Variants in ARHGAP24 observed in about 807,000 individuals in gnomAD.
The protein encoded by ARHGAP24 is rho GTPase-activating protein 24.
ARHGAP24 carries 50 observed loss-of-function variants against 76.4 expected under a neutral mutation model. The ratio of observed to expected loss-of-function variants is 0.65; its 90% CI spans 0.52 to 0.83. The LOEUF (loss-of-function observed/expected upper bound fraction) is 0.83. Among genes scored for constraint, ARHGAP24 ranks in the 40% least tolerant of loss-of-function variants. The pLI is 0.00. For synonymous variants in ARHGAP24, 345 were observed against 323.3 expected (o/e 1.07, Z -0.72); for missense variants, 930 against 914.2 (o/e 1.02, Z -0.22).
chr4:85,788,831 T>C (rs1367931622), intron 3 of ARHGAP24, among the ~76,000 whole-genome samples: 2 of 152,188 alleles, frequency 1.3e-5, no homozygotes, highest in South Asian at 2.1e-4. Flanking sequence ...ACAGCTAAGA[T>C]TCCCAGAAAG....
chr4:85,837,672 T>C lies in ARHGAP24; in HGVS notation c.269-85976T>C, dbSNP rs547197396. 4.6e-5 allele frequency among the ~76,000 whole-genome samples: 7 copies of C among 152,232 alleles called. No individual in the cohort carries two copies. The South Asian group carries it at 1.5e-3, about 32-fold the overall frequency. ...GTGGGGACTTGAAATGACAAGTGATTATTCACAGAAGTAAAATATGCTCAG... is the reference window on the plus strand; with the variant it reads ...GTGGGGACTTGAAATGACAAGTGATCATTCACAGAAGTAAAATATGCTCAG... On this transcript the variant is annotated intron_variant, in intron 3 of 9. Coordinates refer to ENST00000395184, the MANE Select transcript of ARHGAP24 (RefSeq NM_001025616.3).
intron 2 of ARHGAP24, among the ~76,000 whole-genome samples, chr4:85,644,705 AAC>A (rs1289915114): frequency 6.6e-6 from 1 of 152,148 alleles, no homozygotes; most frequent in African/African-American, 2.4e-5. Context: ...CTCATAAATG[AAC>A]AGTGTACGCT....
chr4:85,860,950 T>C (rs949082011), intron 3 of ARHGAP24, among the ~76,000 whole-genome samples: 1 of 151,616 alleles, frequency 6.6e-6, no homozygotes, highest in African/African-American at 2.4e-5. Context: ...TCTTCTCCCT[T>C]TAGATTTTCT....
intron 1 of ARHGAP24, among the ~76,000 whole-genome samples, chr4:85,524,250 T>C (rs1323598894): frequency 1.3e-5 from 2 of 152,182 alleles, no homozygotes; most frequent in Non-Finnish European, 2.9e-5. Context: ...AACCTTGGGC[T>C]AATTTTTTAC....
chr4:85,679,396 T>C (rs1723118005), intron 2 of ARHGAP24, among the ~76,000 whole-genome samples: 1 of 152,184 alleles, frequency 6.6e-6, no homozygotes, highest in Non-Finnish European at 1.5e-5. Flanking sequence ...TTGGGCCCTC[T>C]GAACAGCCGT....
Position 85,841,799 on chromosome 4 carries a change from A to T in ARHGAP24, c.269-81849A>T, listed in dbSNP as rs117546784. The stretch of plus-strand genomic sequence containing the variant: ...TTATACAGACCTAGGCATCAGCAGG[A>T]TGCTCCTTGGTGGTCTATAAAATTC... On this transcript the variant is annotated intron_variant, in intron 3 of 9. Transcript: ENST00000395184. 1.5e-4 allele frequency among the ~76,000 whole-genome samples: 23 copies of T among 152,326 alleles called. No homozygotes were observed. In the East Asian group the frequency reaches 3.9e-3, roughly 26 times the overall value.
intron 7 of ARHGAP24, among the ~76,000 whole-genome samples, chr4:85,976,448 A>G (rs1430068879): frequency 2.0e-5 from 3 of 152,194 alleles, no homozygotes; most frequent in African/African-American, 7.2e-5. Context: ...AACAGAGACA[A>G]TAATGGTACC....
chr4:85,848,258 T>C (rs1392057514), intron 3 of ARHGAP24, among the ~76,000 whole-genome samples: 3 of 152,194 alleles, frequency 2.0e-5, no homozygotes, highest in African/African-American at 7.2e-5. Flanking sequence ...TATATATACA[T>C]GTGCCATGTT....
At chr4:85,855,431 G>C (rs886340086) in intron 3 of ARHGAP24, among the ~76,000 whole-genome samples, 3 of 152,034 alleles carry the variant, frequency 2.0e-5, no homozygotes, top group African/African-American at 2.4e-5. Context: ...TGATGACTGG[G>C]TGTGGTGGCT....
chr4:85,975,368 G>T, intron 7 of ARHGAP24: 1 of 171,532 alleles, frequency 5.8e-6, no homozygotes, highest in Admixed American at 5.8e-5. Flanking sequence ...GGTCCTAATA[G>T]GTAAAATGGT....
At chr4:85,835,445 A>G (rs1730217212) in intron 3 of ARHGAP24, among the ~76,000 whole-genome samples, 1 of 150,460 alleles carries the variant, frequency 6.6e-6, no homozygotes, top group Non-Finnish European at 1.5e-5. Flanking sequence ...CTGTAGTCCC[A>G]GCTGGGAGGC....
chr4:85,823,489 G>A (rs1729568955), intron 3 of ARHGAP24, among the ~76,000 whole-genome samples: 1 of 152,126 alleles, frequency 6.6e-6, no homozygotes, highest in African/African-American at 2.4e-5. Context: ...GGCAACAGGA[G>A]CACCAATGTT....
intron 4 of ARHGAP24, among the ~76,000 whole-genome samples, chr4:85,926,153 G>A (rs939541060): frequency 6.6e-6 from 1 of 152,146 alleles, no homozygotes; most frequent in African/African-American, 2.4e-5. Flanking sequence ...TGGGTGAGCT[G>A]TATATGTGAA....
At chr4:85,602,877 A>C (rs998456488) in intron 2 of ARHGAP24, among the ~76,000 whole-genome samples, 1 of 152,218 alleles carries the variant, frequency 6.6e-6, no homozygotes, top group Non-Finnish European at 1.5e-5. Context: ...AAAATCTTGC[A>C]ATGTGCATTT....
chr4:85,903,417 C>T (rs1193239076), intron 3 of ARHGAP24, among the ~76,000 whole-genome samples: 1 of 152,098 alleles, frequency 6.6e-6, no homozygotes, highest in African/African-American at 2.4e-5. Flanking sequence ...CACCCAAGAG[C>T]TCTTATATTA....
intron 3 of ARHGAP24, among the ~76,000 whole-genome samples, chr4:85,823,544 T>C (rs966613734): frequency 6.6e-6 from 1 of 152,188 alleles, no homozygotes; most frequent in Non-Finnish European, 1.5e-5. Flanking sequence ...ATGCAGTGTT[T>C]TGATGGAACA....
chr4:85,715,047 G>T (rs922859968), intron 2 of ARHGAP24, among the ~76,000 whole-genome samples: 1 of 152,064 alleles, frequency 6.6e-6, no homozygotes, highest in Non-Finnish European at 1.5e-5. Context: ...TTTATAAAAA[G>T]AGAAATACCT....
At chr4:85,513,354 G>T (rs1420180738) in intron 1 of ARHGAP24, among the ~76,000 whole-genome samples, 1 of 152,182 alleles carries the variant, frequency 6.6e-6, no homozygotes, top group African/African-American at 2.4e-5. Context: ...TTGCTGCCAT[G>T]TTTGTCCACA....
chr4:85,924,833 A>G (rs1735928579), intron 4 of ARHGAP24: 1 of 152,202 alleles, frequency 6.6e-6, no homozygotes, highest in South Asian at 2.1e-4. Context: ...TGTTTTAATA[A>G]TATCTTCTGT....
Sources: allele counts gnomAD v4.1 joint callset (sites outside exome capture counted in the v4.1 genomes callset), GRCh38; gene constraint gnomAD v4.1.1; transcripts MANE v1.5; gene names NCBI Gene and HGNC (gene_info 2026-07-23, HGNC 2026-07-21).